RBFOX1: variants seen among roughly 807,000 people sequenced by gnomAD.
The protein encoded by RBFOX1 is RNA binding fox-1 homolog 1.
RBFOX1 carries 8 observed loss-of-function variants against 57.7 expected under a neutral mutation model. The ratio of observed to expected loss-of-function variants is 0.14; its 90% CI spans 0.08 to 0.25. The LOEUF (loss-of-function observed/expected upper bound fraction) is 0.25, where lower values mean the gene tolerates loss of function less well. Ranked by LOEUF, RBFOX1 falls within the 10% of genes least tolerant of loss-of-function variation. The probability of loss-of-function intolerance (pLI) is 1.00; values close to 1 mark genes in which losing one functional copy is unlikely to be tolerated. For missense variants in RBFOX1, 611 were observed against 548.5 expected, an observed-to-expected ratio of 1.11 and a Z score of -1.14; for synonymous variants, 326 against 222.4, an observed-to-expected ratio of 1.47 and a Z score of -4.15.
At chr16:6,598,214 A>T (rs2097797182) in intron 2 of RBFOX1, among the ~76,000 whole-genome samples, 1 of 152,252 alleles carries the variant, frequency 6.6e-6, no homozygotes, top group Admixed American at 6.5e-5. Flanking sequence ...AAATGTGATC[A>T]GACACTATAT....
intron 2 of RBFOX1, among the ~76,000 whole-genome samples, chr16:6,498,344 G>T (rs1020249757): frequency 1.3e-5 from 2 of 152,014 alleles, no homozygotes; most frequent in Admixed American, 6.6e-5. Flanking sequence ...AGACTTATGA[G>T]CAGAAATATA....
chr16:6,374,030 A>G (rs376264169), intron 2 of RBFOX1, among the ~76,000 whole-genome samples: 38 of 152,328 alleles, frequency 2.5e-4, no homozygotes, highest in Middle Eastern at 6.8e-3. Flanking sequence ...CAGATTTAAT[A>G]TTCAGTTTGA....
intron 1 of RBFOX1, among the ~76,000 whole-genome samples, chr16:5,367,106 A>AT (rs145237182): frequency 0.18 from 27,170 of 151,936 alleles, 2,765 homozygotes; most frequent in Middle Eastern, 0.25. Context: ...ATGCATTTTA[A>AT]TTTTTATTTG....
intron 4 of RBFOX1, among the ~76,000 whole-genome samples, chr16:5,876,257 A>G (rs1006743672): frequency 6.6e-6 from 1 of 152,082 alleles, no homozygotes; most frequent in Non-Finnish European, 1.5e-5. Flanking sequence ...GCCACTCTGC[A>G]AGTCATTCCG....
At chr16:7,302,142 T>C (rs2096050491) in intron 4 of RBFOX1, among the ~76,000 whole-genome samples, 1 of 152,106 alleles carries the variant, frequency 6.6e-6, no homozygotes, top group Admixed American at 6.5e-5. Context: ...TTAAACATGC[T>C]ACTGTGTCCC....
At chr16:7,265,793 A>G (rs1054713690) in intron 4 of RBFOX1, among the ~76,000 whole-genome samples, 2 of 151,922 alleles carry the variant, frequency 1.3e-5, no homozygotes, top group African/African-American at 4.8e-5. Context: ...AGGAGGGATT[A>G]CCTTTGATAT....
At chr16:6,835,979 T>A (rs2093067448) in intron 3 of RBFOX1, among the ~76,000 whole-genome samples, 1 of 152,014 alleles carries the variant, frequency 6.6e-6, no homozygotes, top group Non-Finnish European at 1.5e-5. Flanking sequence ...AAAAGTGTCA[T>A]CTGGTCACAT....
chr16:7,213,460 C>G (rs980556890), intron 4 of RBFOX1, among the ~76,000 whole-genome samples: 3 of 152,102 alleles, frequency 2.0e-5, no homozygotes, highest in Non-Finnish European at 2.9e-5. Context: ...GTCCATGAAT[C>G]AGACTTTAAT....
At chr16:7,447,749 G>A (rs2098819997) in intron 4 of RBFOX1, among the ~76,000 whole-genome samples, 1 of 152,210 alleles carries the variant, frequency 6.6e-6, no homozygotes, top group South Asian at 2.1e-4. Flanking sequence ...TTGATTAAAA[G>A]CCAAGTCTAG....
intron 4 of RBFOX1, among the ~76,000 whole-genome samples, chr16:7,394,437 A>G (rs1402603565): frequency 1.3e-5 from 2 of 151,952 alleles, no homozygotes; most frequent in Admixed American, 6.6e-5. Flanking sequence ...CCTAATGGCC[A>G]TATGGGGAAC....
chr16:7,218,265 C>T (rs185475101), intron 4 of RBFOX1, among the ~76,000 whole-genome samples: 9 of 152,274 alleles, frequency 5.9e-5, no homozygotes, highest in Admixed American at 3.3e-4. Flanking sequence ...CTATTCTCTA[C>T]CTCTCAAAGA....
Position 7,319,071 on chromosome 16 carries a change from T to C in RBFOX1, c.28-199076T>C, listed in dbSNP as rs1329699729. On this transcript the variant is annotated intron_variant, in intron 4 of 15. Coordinates refer to ENST00000550418, the MANE Select transcript of RBFOX1 (RefSeq NM_018723.4). ...GCTAACTCCAGTGCCAATTTTTTTC[T>C]TCTTTCTTTGTTTTTTTATCCTAAT... Among the ~76,000 whole-genome samples, 6 of 152,200 alleles carry C rather than the reference T, an allele frequency of 3.9e-5. 1 individual carries two copies. In the South Asian group the frequency reaches 8.3e-4, roughly 21 times the overall value.
chr16:7,218,002 A>G (rs7188773), intron 4 of RBFOX1, among the ~76,000 whole-genome samples: 57,562 of 150,370 alleles, frequency 0.38, 11,259 homozygotes, highest in East Asian at 0.66. Context: ...GTGCACGTGC[A>G]TGTGTGTTTG....
chr16:6,992,871 A>G (rs564306156), intron 3 of RBFOX1, among the ~76,000 whole-genome samples: 9 of 150,310 alleles, frequency 6.0e-5, no homozygotes, highest in East Asian at 3.9e-4. Flanking sequence ...TGATACTTCA[A>G]TATATTCAGT....
intron 2 of RBFOX1, among the ~76,000 whole-genome samples, chr16:6,554,759 GACAC>G (rs2097063515): frequency 6.6e-5 from 7 of 106,812 alleles, no homozygotes; most frequent in Admixed American, 9.1e-5. Flanking sequence ...CACACACACA[GACAC>G]ACACACAAAG....
chr16:6,886,806 A>AG (rs2064156505), intron 3 of RBFOX1, among the ~76,000 whole-genome samples: 1 of 152,082 alleles, frequency 6.6e-6, no homozygotes, highest in South Asian at 2.1e-4. Context: ...AGAAAAAAAA[A>AG]GAATGAAAAT....
At position 7,365,775 on chromosome 16, in the gene RBFOX1, A is replaced by G. The variant is rs188558126; in HGVS notation, c.28-152372A>G. 1.5e-3 allele frequency among the ~76,000 whole-genome samples: 232 copies of G among 152,350 alleles called. 1 individual carries two copies. Among genetic ancestry groups the G allele is most frequent in the African/African-American group, 5.4e-3 (225 of 41,596 alleles). ...TAGTAAGAGATGTAAACACAACTCA[A>G]GTCAGTGTATGCAAAGTGATGACTC... On this transcript the variant is annotated intron_variant, in intron 4 of 15. Transcript: ENST00000550418.
intron 4 of RBFOX1, among the ~76,000 whole-genome samples, chr16:7,062,618 C>A (rs1053574763): frequency 1.3e-5 from 2 of 152,104 alleles, no homozygotes; most frequent in Admixed American, 6.5e-5. Flanking sequence ...CTGTCCCTAG[C>A]CAACAGATGT....
intron 4 of RBFOX1, among the ~76,000 whole-genome samples, chr16:5,869,985 A>G (rs2057428967): frequency 6.6e-6 from 1 of 152,164 alleles, no homozygotes; most frequent in Admixed American, 6.6e-5. Context: ...AATACAATAC[A>G]GCAATCAAAA....
Sources: allele counts gnomAD v4.1 joint callset (sites outside exome capture counted in the v4.1 genomes callset), GRCh38; gene constraint gnomAD v4.1.1; transcripts MANE v1.5; gene names NCBI Gene and HGNC (gene_info 2026-07-23, HGNC 2026-07-21).